AEBP2: variants seen among roughly 807,000 people sequenced by gnomAD.
AEBP2 encodes zinc finger protein AEBP2.
A neutral mutation model predicts 50.8 loss-of-function variants in AEBP2; 10 were observed. That is an observed-to-expected ratio of 0.20 (90% CI 0.12 to 0.33). The LOEUF (loss-of-function observed/expected upper bound fraction) is 0.33, where lower values mean the gene tolerates loss of function less well. Ranked by LOEUF, AEBP2 falls within the 10% of genes least tolerant of loss-of-function variation. The pLI, the probability that AEBP2 is intolerant of heterozygous loss-of-function variation, is 1.00. For missense variants in AEBP2, 570 were observed against 688.0 expected (o/e 0.83, Z 1.92); for synonymous variants, 296 against 261.3 (o/e 1.13, Z -1.28).
rs879787558 is a variant in AEBP2 at position 19,507,351 on chromosome 12, C to CT, written c.1300-5045dup. On this transcript the variant is annotated intron_variant, in intron 5 of 7. Transcript: ENST00000266508. ...TAGAGCAGCTCCTTTTGATGAAATCCTTAGCTTCACCATGGGAGGAATAGC... is the reference window on the plus strand; with the variant it reads ...TAGAGCAGCTCCTTTTGATGAAATCCTTTAGCTTCACCATGGGAGGAATAGC... Among the ~76,000 whole-genome samples, 168 of 152,198 alleles carry CT rather than the reference C, an allele frequency of 1.1e-3. 1 individual carries two copies. The highest frequency in any genetic ancestry group is 3.9e-3 in the African/African-American group (164 of 41,534).
chr12:19,473,188 G>A, intron 2 of AEBP2, 60 bp from the exon 3 acceptor site: 1 of 720,664 alleles, frequency 1.4e-6, no homozygotes, highest in Non-Finnish European at 2.0e-6. Flanking sequence ...AATGTATGAG[G>A]AATCAAACTC....
intron 3 of AEBP2, among the ~76,000 whole-genome samples, chr12:19,493,083 A>G (rs1948918544): frequency 6.6e-6 from 1 of 152,184 alleles, no homozygotes. Context: ...GAAGGTTTTG[A>G]AGTAGCATGT....
At chr12:19,492,925 G>A (rs911646691) in intron 3 of AEBP2, among the ~76,000 whole-genome samples, 1 of 152,032 alleles carries the variant, frequency 6.6e-6, no homozygotes, top group Non-Finnish European at 1.5e-5. Flanking sequence ...GCAGTGAGCC[G>A]AGATCATGCC....
In AEBP2 at chr12:19,440,019, A is replaced by G. The variant is rs1300694858; in HGVS notation, c.320A>G (p.Glu107Gly). 23 of 1,523,746 alleles carry G rather than the reference A, an allele frequency of 1.5e-5. No homozygotes were observed. The East Asian group carries it at 5.5e-4, about 36-fold the overall frequency. The allele number at this position is 1,523,746 out of a possible 1,614,324, so 94.4% of individuals were successfully genotyped here. Residue 107 changes from glutamate (E) to glycine (G), a missense_variant, in exon 1 of 8, where the codon GAA becomes GGA. By Grantham distance (98) the Glu-to-Gly change is moderately conservative. This residue lies in a region of AEBP2 where 386 missense variants were observed against 336.8 expected (regional missense o/e 1.15). Coordinates refer to ENST00000266508, the MANE Select transcript of AEBP2 (RefSeq NM_153207.5). ...EDEEEDDEEE[E>G]DESSSSGGGE... ...GAGGAGGAGGACGACGAGGAGGAGG[A>G]AGATGAGAGCAGCAGCAGCGGCGGG...
chr12:19,494,275 T>A (rs1162932485), intron 4 of AEBP2, among the ~76,000 whole-genome samples: 1 of 152,106 alleles, frequency 6.6e-6, no homozygotes, highest in Non-Finnish European at 1.5e-5. Context: ...CTAGAAATAT[T>A]TTAGAAAATT....
At chr12:19,497,112 T>TA (rs1341667457) in intron 4 of AEBP2, among the ~76,000 whole-genome samples, 2 of 151,770 alleles carry the variant, frequency 1.3e-5, no homozygotes, top group Non-Finnish European at 2.9e-5. Flanking sequence ...GCTCTTCACT[T>TA]AGAGATTTAC....
At chr12:19,411,746 A>G (rs1056911749) in intron 1 of AEBP2, among the ~76,000 whole-genome samples, 3 of 152,244 alleles carry the variant, frequency 2.0e-5, no homozygotes, top group Non-Finnish European at 4.4e-5. Flanking sequence ...ATTTCTATTA[A>G]GCTCTTCCAG....
At chr12:19,475,777 T>C (rs1245327330) in intron 3 of AEBP2, among the ~76,000 whole-genome samples, 2 of 152,206 alleles carry the variant, frequency 1.3e-5, no homozygotes, top group East Asian at 3.8e-4. Context: ...TTTTAAATTA[T>C]GGCCATTATT....
At chr12:19,515,996 G>T (rs529786767) in intron 7 of AEBP2, among the ~76,000 whole-genome samples, 57 of 152,226 alleles carry the variant, frequency 3.7e-4, no homozygotes, top group African/African-American at 1.4e-3. Flanking sequence ...GAGGTAGGAG[G>T]ATTGCTTCAG....
chr12:19,410,068 A>C (rs2095738459), intron 1 of AEBP2, among the ~76,000 whole-genome samples: 2 of 152,204 alleles, frequency 1.3e-5, no homozygotes, highest in Non-Finnish European at 2.9e-5. Flanking sequence ...AGACCAGGGC[A>C]AGAAAACAGA....
chr12:19,515,592 C>CT (rs141046078), intron 7 of AEBP2, among the ~76,000 whole-genome samples: 3,231 of 152,224 alleles, frequency 0.021, 42 homozygotes, highest in East Asian at 0.043. Flanking sequence ...GACTTTATAT[C>CT]TTTTTTCAAT....
chr12:19,432,717 A>AAC (rs371799064), intron 1 of AEBP2, among the ~76,000 whole-genome samples: 5 of 151,866 alleles, frequency 3.3e-5, no homozygotes, highest in Admixed American at 1.3e-4. Context: ...AGACAAAGTA[A>AAC]ACACACACAC....
At chr12:19,456,753 A>G in intron 1 of AEBP2, 1 of 1,589,964 alleles carries the variant, frequency 6.3e-7, no homozygotes, top group Non-Finnish European at 8.6e-7. Flanking sequence ...TTCATGGTGC[A>G]TTTCGACAGA....
intron 1 of AEBP2, among the ~76,000 whole-genome samples, chr12:19,414,535 A>C (rs1278374853): frequency 1.3e-5 from 2 of 152,150 alleles, no homozygotes; most frequent in Admixed American, 6.6e-5. Flanking sequence ...AAAGCTAAGG[A>C]GGCATCACTC....
rs540961296 is a variant in AEBP2 at position 19,473,632 on chromosome 12, T to C, written c.987+277T>C. Among the ~76,000 whole-genome samples, 8 of 152,216 alleles carry C rather than the reference T, an allele frequency of 5.3e-5. 1 individual carries two copies. Among genetic ancestry groups the C allele is most frequent in the South Asian group, 2.1e-4 (1 of 4,828 alleles). ...TGTTGGCCAGGATGGTCTTGAACTC[T>C]TGACCTCAGGTGATTCTCCCGCCTT... On this transcript the variant is annotated intron_variant, in intron 3 of 7. Coordinates refer to ENST00000266508, the MANE Select transcript of AEBP2 (RefSeq NM_153207.5).
chr12:19,470,444 A>G (rs1200765118), intron 2 of AEBP2, among the ~76,000 whole-genome samples: 2 of 152,208 alleles, frequency 1.3e-5, no homozygotes, highest in Non-Finnish European at 2.9e-5. Context: ...GGCATGAGCC[A>G]TTACACCAGG....
At chr12:19,451,575 A>G (rs893437027) in intron 1 of AEBP2, among the ~76,000 whole-genome samples, 1 of 152,192 alleles carries the variant, frequency 6.6e-6, no homozygotes, top group Non-Finnish European at 1.5e-5. Context: ...TCACTTCTGC[A>G]GTAGTCTCAG....
intron 3 of AEBP2, among the ~76,000 whole-genome samples, chr12:19,488,380 G>A (rs1050048175): frequency 2.0e-5 from 3 of 149,234 alleles, no homozygotes; most frequent in Admixed American, 6.8e-5. Context: ...CGCTCACCTC[G>A]GCCTCCCAAA....
intron 1 of AEBP2, among the ~76,000 whole-genome samples, chr12:19,423,390 G>A (rs1267825709): frequency 6.6e-6 from 1 of 152,160 alleles, no homozygotes; most frequent in East Asian, 1.9e-4. Context: ...CCACGTCAGA[G>A]TGAAGCTCCC....
Sources: gnomAD v4.1 joint callset for allele counts (sites outside exome capture counted in the v4.1 genomes callset) on GRCh38, gnomAD v4.1.1 for gene constraint, gnomAD v4.1.1 regional missense constraint, MANE v1.5 for transcripts, NCBI Gene and HGNC (gene_info 2026-07-23, HGNC 2026-07-21) for gene names.